Variants in CACNA2D1 observed in about 807,000 individuals in gnomAD.
CACNA2D1 encodes the protein calcium voltage-gated channel auxiliary subunit alpha2delta 1, also known as voltage-dependent calcium channel subunit alpha-2/delta-1.
In CACNA2D1, 53 loss-of-function variants were observed where a neutral mutation model predicts 171.5. That is an observed-to-expected ratio of 0.31 (90% CI 0.25 to 0.39). The LOEUF (loss-of-function observed/expected upper bound fraction) is 0.39. CACNA2D1 is among the 10% of genes least tolerant of loss of function. The probability of loss-of-function intolerance (pLI) is 1.00; values close to 1 mark genes in which losing one functional copy is unlikely to be tolerated. For missense variants in CACNA2D1, 903 were observed against 1,299.8 expected, an observed-to-expected ratio of 0.69 and a Z score of 4.69; for synonymous variants, 442 against 443.1, an observed-to-expected ratio of 1.00 and a Z score of 0.03.
At chr7:82,133,071 G>A (rs1361169872) in intron 5 of CACNA2D1, among the ~76,000 whole-genome samples, 6 of 152,084 alleles carry the variant, frequency 3.9e-5, no homozygotes, top group Admixed American at 2.0e-4. Flanking sequence ...CATTCTACAA[G>A]TAGAATTATA....
rs370114343 is a variant in CACNA2D1, at chr7:82,002,279, G to C, written c.1590+3144C>G. On this transcript the variant is annotated intron_variant, in intron 18 of 38. Transcript: ENST00000356860. Reference sequence around the variant, plus strand: ...GTCTCACCCCTTCTCCTCCATGTGAGGTTAGAGTGAGAAGATGGCTGTCTA... The same window carrying C: ...GTCTCACCCCTTCTCCTCCATGTGACGTTAGAGTGAGAAGATGGCTGTCTA... Among the ~76,000 whole-genome samples the C allele has an allele frequency of 3.9e-5, 6 of 152,162 alleles. No homozygotes were observed. In the East Asian group the frequency reaches 1.2e-3, roughly 30 times the overall value.
intron 3 of CACNA2D1, among the ~76,000 whole-genome samples, chr7:82,222,908 TTTTG>T (rs1210277311): frequency 3.6e-4 from 53 of 148,828 alleles, no homozygotes; most frequent in East Asian, 1.8e-3. Context: ...CTTTTTTTTT[TTTTG>T]TTTGTTTGTT....
At chr7:81,982,835 C>A (rs1796578094) in intron 23 of CACNA2D1, 1 of 631,088 alleles carries the variant, frequency 1.6e-6, no homozygotes, top group Non-Finnish European at 2.8e-6. Context: ...AACTTCATAA[C>A]ATGGATCCCC....
chr7:82,189,046 T>C lies in CACNA2D1; in HGVS notation c.295-18437A>G, dbSNP rs534503262. Among the ~76,000 whole-genome samples, 11 of 152,030 alleles carry C rather than the reference T, an allele frequency of 7.2e-5. No homozygotes were observed. In the South Asian group the frequency reaches 1.5e-3, roughly 20 times the overall value. On this transcript the variant is annotated intron_variant, in intron 3 of 38. Coordinates refer to ENST00000356860, the MANE Select transcript of CACNA2D1 (RefSeq NM_000722.4). ...GTAGAGGGCGGGAGGAGGGTGAAGA[T>C]AGAAAAAGTACCTACTGGGTGCTAT...
At chr7:82,097,912 A>C (rs934616294) in intron 6 of CACNA2D1, among the ~76,000 whole-genome samples, 7 of 152,030 alleles carry the variant, frequency 4.6e-5, no homozygotes, top group African/African-American at 1.7e-4. Context: ...TCAGGAGTTC[A>C]AGACCAGCCT....
intron 12 of CACNA2D1, among the ~76,000 whole-genome samples, chr7:82,030,301 A>G (rs1365326294): frequency 6.6e-6 from 1 of 151,728 alleles, no homozygotes; most frequent in Non-Finnish European, 1.5e-5. Context: ...TACTTTCCTT[A>G]TAACATAAAA....
At chr7:82,248,454 A>G (rs116092185) in intron 3 of CACNA2D1, among the ~76,000 whole-genome samples, 1,715 of 152,298 alleles carry the variant, frequency 0.011, 25 homozygotes, top group African/African-American at 0.039. Context: ...ACATTGTTTC[A>G]TAGTCATTTA....
intron 5 of CACNA2D1, among the ~76,000 whole-genome samples, chr7:82,134,584 A>G (rs1791387637): frequency 6.6e-6 from 1 of 152,202 alleles, no homozygotes; most frequent in Non-Finnish European, 1.5e-5. Context: ...ACATTTTACT[A>G]TTTATAAGGC....
At chr7:82,318,770 A>C (rs891568405) in intron 3 of CACNA2D1, among the ~76,000 whole-genome samples, 6 of 152,236 alleles carry the variant, frequency 3.9e-5, no homozygotes, top group Admixed American at 3.9e-4. Context: ...AATATACTTA[A>C]AACTTTTTCA....
intron 1 of CACNA2D1, among the ~76,000 whole-genome samples, chr7:82,362,768 T>G (rs1821215784): frequency 6.6e-6 from 1 of 152,190 alleles, no homozygotes; most frequent in Non-Finnish European, 1.5e-5. Flanking sequence ...CTGCAAGTAA[T>G]AAATAATATT....
At position 82,061,724 on chromosome 7, in the gene CACNA2D1, G is replaced by A. The variant is rs147562257; in HGVS notation, c.780-1197C>T. Among the ~76,000 whole-genome samples the A allele has an allele frequency of 3.2e-3, 494 of 152,256 alleles. 1 individual carries two copies. The highest frequency in any genetic ancestry group is 4.7e-3 in the Non-Finnish European group (322 of 68,010). On this transcript the variant is annotated intron_variant, in intron 9 of 38. Transcript: ENST00000356860. ...AATCAATCTCATCAAAGGCTCGGAG[G>A]GAGATTAGGGATTTTTCAAAGACAG...
intron 3 of CACNA2D1, among the ~76,000 whole-genome samples, chr7:82,262,486 A>G (rs939512180): frequency 6.6e-6 from 1 of 152,190 alleles, no homozygotes; most frequent in Non-Finnish European, 1.5e-5. Flanking sequence ...GAAAAATTAA[A>G]CATGAATGGT....
intron 12 of CACNA2D1, among the ~76,000 whole-genome samples, chr7:82,032,082 A>T (rs1562896671): frequency 6.6e-6 from 1 of 151,946 alleles, no homozygotes; most frequent in Non-Finnish European, 1.5e-5. Flanking sequence ...TGATAATAGG[A>T]CGGCTAGAAA....
chr7:82,002,649 T>C (rs1331847122), intron 18 of CACNA2D1, among the ~76,000 whole-genome samples: 1 of 152,154 alleles, frequency 6.6e-6, no homozygotes, highest in African/African-American at 2.4e-5. Context: ...CAAAATGAGA[T>C]ATCTAATTAA....
chr7:82,050,020 C>T (rs1211486408), intron 10 of CACNA2D1, among the ~76,000 whole-genome samples: 1 of 152,164 alleles, frequency 6.6e-6, no homozygotes, highest in Non-Finnish European at 1.5e-5. Flanking sequence ...TACAATTGTA[C>T]TCATTTTCAT....
At chr7:82,218,903 T>A (rs115974910) in intron 3 of CACNA2D1, among the ~76,000 whole-genome samples, 3 of 152,118 alleles carry the variant, frequency 2.0e-5, no homozygotes, top group Non-Finnish European at 4.4e-5. Flanking sequence ...TTCTATATTA[T>A]CAAAATAAAA....
intron 3 of CACNA2D1, among the ~76,000 whole-genome samples, chr7:82,223,317 C>T (rs1363561132): frequency 1.3e-5 from 2 of 152,142 alleles, no homozygotes; most frequent in Non-Finnish European, 2.9e-5. Flanking sequence ...ACCTCCAAAA[C>T]GTGCTATACA....
chr7:82,295,414 G>A (rs182592821), intron 3 of CACNA2D1, among the ~76,000 whole-genome samples: 93 of 151,278 alleles, frequency 6.1e-4, no homozygotes, highest in African/African-American at 2.2e-3. Flanking sequence ...ACTGCTCATT[G>A]CAGCCTTGAC....
chr7:82,250,044 T>C (rs1289273348), intron 3 of CACNA2D1, among the ~76,000 whole-genome samples: 14 of 152,218 alleles, frequency 9.2e-5, no homozygotes, highest in African/African-American at 3.1e-4. Context: ...GGTCTTCCCA[T>C]GGTGAAGGCA....
Sources: gnomAD v4.1 joint callset for allele counts (sites outside exome capture counted in the v4.1 genomes callset) on GRCh38, gnomAD v4.1.1 for gene constraint, MANE v1.5 for transcripts, NCBI Gene and HGNC (gene_info 2026-07-23, HGNC 2026-07-21) for gene names.